Variants in SLCO5A1 observed in about 807,000 individuals in gnomAD.
SLCO5A1 encodes the protein organic anion transporter polypeptide-related protein 4.
SLCO5A1 carries 39 observed loss-of-function variants against 65.1 expected under a neutral mutation model. The ratio of observed to expected loss-of-function variants is 0.60; its 90% confidence interval spans 0.46 to 0.78. The LOEUF is 0.78. Among genes scored for constraint, SLCO5A1 ranks in the 30% least tolerant of loss-of-function variants. SLCO5A1 has a pLI of 0.00. For missense variants in SLCO5A1, 1,029 were observed against 1,069.4 expected (o/e 0.96, Z 0.53); for synonymous variants, 438 against 415.7 (o/e 1.05, Z -0.65).
At position 69,709,141 on chromosome 8, in the gene SLCO5A1, A is replaced by G. The variant is rs964042821; in HGVS notation, c.1424-3912T>C. Among the ~76,000 whole-genome samples the G allele has an allele frequency of 3.9e-5, 6 of 152,304 alleles. No individual in the cohort carries two copies. The South Asian group carries it at 1.2e-3, about 32-fold the overall frequency. ...GAGAATCCAGTCAGCTCTTTCTAGA[A>G]CTTTGCATATAAAAGGAAGAAGGGA... On this transcript the variant is annotated intron_variant, in intron 5 of 9. Transcript: ENST00000260126.
chr8:69,770,556 T>G (rs902213819), intron 2 of SLCO5A1, among the ~76,000 whole-genome samples: 3 of 152,136 alleles, frequency 2.0e-5, no homozygotes, highest in Non-Finnish European at 4.4e-5. Context: ...AGCTCAGCTG[T>G]GTACTTTCGT....
intron 2 of SLCO5A1, among the ~76,000 whole-genome samples, chr8:69,818,196 T>G (rs1820482527): frequency 6.6e-6 from 1 of 152,186 alleles, no homozygotes; most frequent in Admixed American, 6.5e-5. Context: ...ACAAATGCAG[T>G]AAGATATTTT....
intron 2 of SLCO5A1, among the ~76,000 whole-genome samples, chr8:69,784,907 AAAG>A (rs1563723043): frequency 1.1e-5 from 1 of 90,270 alleles, no homozygotes; most frequent in East Asian, 2.7e-4. Context: ...AGAAAGAAAG[AAAG>A]AAAGAAAGAA....
intron 2 of SLCO5A1, among the ~76,000 whole-genome samples, chr8:69,770,632 C>G (rs1323878851): frequency 1.3e-5 from 2 of 152,044 alleles, no homozygotes; most frequent in African/African-American, 4.8e-5. Flanking sequence ...AAAAAGGCCA[C>G]CTTCAACAGG....
At chr8:69,798,847 T>C (rs1044474013) in intron 2 of SLCO5A1, among the ~76,000 whole-genome samples, 6 of 152,240 alleles carry the variant, frequency 3.9e-5, no homozygotes, top group Non-Finnish European at 5.9e-5. Context: ...TTCCATAGAA[T>C]GCTATACATT....
intron 2 of SLCO5A1, among the ~76,000 whole-genome samples, chr8:69,780,768 C>T (rs533275547): frequency 5.3e-5 from 8 of 151,974 alleles, no homozygotes; most frequent in African/African-American, 9.7e-5. Flanking sequence ...CATGGTATTA[C>T]CCAATTACCT....
chr8:69,706,695 T>C (rs1322592944), intron 5 of SLCO5A1, among the ~76,000 whole-genome samples: 3 of 152,214 alleles, frequency 2.0e-5, no homozygotes, highest in Non-Finnish European at 2.9e-5. Context: ...CCTCCAGAAC[T>C]GTGAGAAATA....
At chr8:69,741,984 A>G (rs528383765) in intron 4 of SLCO5A1, among the ~76,000 whole-genome samples, 11 of 152,334 alleles carry the variant, frequency 7.2e-5, no homozygotes, top group Middle Eastern at 3.4e-3. Context: ...ACTGGGGCCT[A>G]TGGTTTAGAT....
At chr8:69,777,810 G>A (rs117701911) in intron 2 of SLCO5A1, among the ~76,000 whole-genome samples, 2,885 of 152,240 alleles carry the variant, frequency 0.019, 40 homozygotes, top group Non-Finnish European at 0.028. Flanking sequence ...CGAGGTCGTC[G>A]TGACTGGATG....
At chr8:69,795,916 A>G in intron 2 of SLCO5A1, among the ~76,000 whole-genome samples, 1 of 152,248 alleles carries the variant, frequency 6.6e-6, no homozygotes, top group East Asian at 1.9e-4. Flanking sequence ...TTAACACTGC[A>G]TGGAAGCCTC....
intron 2 of SLCO5A1, among the ~76,000 whole-genome samples, chr8:69,818,694 T>A (rs1820507124): frequency 6.6e-6 from 1 of 152,216 alleles, no homozygotes; most frequent in Non-Finnish European, 1.5e-5. Flanking sequence ...AAAATGGGTT[T>A]GTTTCCCAGC....
At chr8:69,691,209 A>C (rs1303554444) in intron 6 of SLCO5A1, among the ~76,000 whole-genome samples, 1 of 152,124 alleles carries the variant, frequency 6.6e-6, no homozygotes, top group Non-Finnish European at 1.5e-5. Context: ...TTAAAACTGG[A>C]GGAAAATTGT....
chr8:69,690,055 G>T (rs544301820), intron 6 of SLCO5A1, among the ~76,000 whole-genome samples: 2 of 151,980 alleles, frequency 1.3e-5, no homozygotes, highest in Non-Finnish European at 2.9e-5. Flanking sequence ...GCGGGTACGG[G>T]GGGGCGCCAG....
intron 5 of SLCO5A1, among the ~76,000 whole-genome samples, chr8:69,721,900 G>A (rs181914700): frequency 2.6e-5 from 4 of 152,136 alleles, no homozygotes; most frequent in East Asian, 1.9e-4. Context: ...AGCCAGGCAC[G>A]ATAGCTTATG....
chr8:69,801,248 T>C (rs1390292722), intron 2 of SLCO5A1, among the ~76,000 whole-genome samples: 2 of 152,230 alleles, frequency 1.3e-5, no homozygotes, highest in African/African-American at 4.8e-5. Flanking sequence ...AATTGTCAAA[T>C]ACAGATATCT....
At chr8:69,764,226 C>T (rs1200294248) in intron 2 of SLCO5A1, among the ~76,000 whole-genome samples, 1 of 152,174 alleles carries the variant, frequency 6.6e-6, no homozygotes, top group African/African-American at 2.4e-5. Flanking sequence ...GTTAAGAGTT[C>T]CTCATTTCCA....
intron 3 of SLCO5A1, 154 bp downstream of exon 3, chr8:69,761,589 C>T (rs1648614065): frequency 1.4e-6 from 1 of 715,242 alleles, no homozygotes; most frequent in South Asian, 1.9e-5. Context: ...ACGTAGCTTT[C>T]TTTGGGATGT....
chr8:69,680,124 C>T (rs137988107), intron 7 of SLCO5A1, among the ~76,000 whole-genome samples: 3 of 152,172 alleles, frequency 2.0e-5, no homozygotes, highest in East Asian at 1.9e-4. Context: ...ATTGGTGTTC[C>T]GTTTTCTTTT....
At chr8:69,702,501 T>C (rs1814787771) in intron 6 of SLCO5A1, among the ~76,000 whole-genome samples, 4 of 140,406 alleles carry the variant, frequency 2.8e-5, no homozygotes, top group Admixed American at 2.8e-4. Context: ...GGTACACACA[T>C]CTTACACACA....
Sources: gnomAD v4.1 joint callset for allele counts (sites outside exome capture counted in the v4.1 genomes callset) on GRCh38, gnomAD v4.1.1 for gene constraint, MANE v1.5 for transcripts, NCBI Gene and HGNC (gene_info 2026-07-23, HGNC 2026-07-21) for gene names.